The following GHRH variants were observed in gnomAD, a reference collection of about 807,000 sequenced individuals.
The protein encoded by GHRH is somatoliberin.
A neutral mutation model predicts 15.6 loss-of-function variants in GHRH; 7 were observed. The observed-to-expected ratio is 0.45, with a 90% confidence interval of 0.26 to 0.84. The LOEUF is 0.84. Among genes scored for constraint, GHRH ranks in the 40% least tolerant of loss-of-function variants. GHRH has a pLI of 0.18. For missense variants in GHRH, 117 were observed against 138.0 expected (o/e 0.85, Z 0.76); for synonymous variants, 54 against 50.4 (o/e 1.07, Z -0.30).
chr20:37,252,164 G>C (rs956831859), intron 4 of GHRH, among the ~76,000 whole-genome samples: 1 of 152,226 alleles, frequency 6.6e-6, no homozygotes, highest in Non-Finnish European at 1.5e-5. Flanking sequence ...CCTAGAGATG[G>C]TAAGAGCTAA....
intron 4 of GHRH, 72 bp from the exon 5 acceptor site, chr20:37,251,303 A>G: frequency 7.7e-7 from 1 of 1,303,064 alleles, no homozygotes; most frequent in Non-Finnish European, 1.1e-6. Flanking sequence ...GCATGGAACC[A>G]GGGTGACGGG....
rs1047307340 is a variant in GHRH, at chr20:37,258,386, C to T, written c.-19-1478G>A. 5.3e-5 allele frequency among the ~76,000 whole-genome samples: 8 copies of T among 152,204 alleles called. No individual in the cohort carries two copies. The highest frequency in any genetic ancestry group is 1.7e-4 in the African/African-American group (7 of 41,450). On this transcript the variant is annotated intron_variant, in intron 1 of 4. Coordinates refer to ENST00000373614, the MANE Select transcript of GHRH (RefSeq NM_021081.6). The surrounding 1 kb of genome is among the most constrained non-coding windows in gnomAD (Gnocchi z 4.1). The stretch of plus-strand genomic sequence containing the variant: ...CCTTCTCTCCCACTCCTGGGTCCTG[C>T]TGAGGAGTTCTGGCAGGCAGGGCCA...
chr20:37,258,529 G>C lies in GHRH; in HGVS notation c.-19-1621C>G, dbSNP rs957380287. ...TTGGGCCCCCAGGCAGCACTCAGGG[G>C]GTCTGCTTACTGCAGCCTGAGACCC... On this transcript the variant is annotated intron_variant, in intron 1 of 4. Transcript: ENST00000373614. The surrounding 1 kb of genome is among the most constrained non-coding windows in gnomAD (Gnocchi z 4.1). Among the ~76,000 whole-genome samples the C allele has an allele frequency of 6.6e-6, 1 of 152,032 alleles. No individual in the cohort carries two copies. Among genetic ancestry groups the C allele is most frequent in the Non-Finnish European group, 1.5e-5 (1 of 68,002 alleles).
chr20:37,259,778 ATCC>A (rs1239487224), intron 1 of GHRH, among the ~76,000 whole-genome samples: 1 of 152,134 alleles, frequency 6.6e-6, no homozygotes, highest in Non-Finnish European at 1.5e-5. Flanking sequence ...ATTTTCCATG[ATCC>A]TCCATCAAAT....
At chr20:37,253,854 G>A (rs1035847419) in intron 4 of GHRH, among the ~76,000 whole-genome samples, 1 of 152,160 alleles carries the variant, frequency 6.6e-6, no homozygotes, top group Non-Finnish European at 1.5e-5. Flanking sequence ...AGCTTCAAGC[G>A]ATTCTCCTGC....
intron 2 of GHRH, 64 bp from the exon 3 acceptor site, chr20:37,256,562 T>A (rs550735569): frequency 2.0e-6 from 2 of 1,015,146 alleles, no homozygotes; most frequent in East Asian, 4.8e-5. Context: ...CAGTCGTGGC[T>A]GCACTCGCCA....
At position 37,256,509 on chromosome 20, in the gene GHRH, G is replaced by A; in HGVS notation, c.84-11C>T. The stretch of plus-strand genomic sequence containing the variant: ...GCATACCGCCGCATCCTGTGCGGAA[G>A]GAGTCAGGGGTCAGAGGGCGGGGTG... On this transcript the variant is annotated splice_polypyrimidine_tract_variant and intron_variant, in intron 2 of 4. Transcript: ENST00000373614. 1 of 1,584,536 alleles carries A rather than the reference G, an allele frequency of 6.3e-7. No homozygotes were observed. Among genetic ancestry groups the A allele is most frequent in the Non-Finnish European group, 8.7e-7 (1 of 1,155,738 alleles).
intron 4 of GHRH, among the ~76,000 whole-genome samples, chr20:37,252,282 C>G (rs1233697223): frequency 1.3e-5 from 2 of 152,174 alleles, no homozygotes; most frequent in African/African-American, 4.8e-5. Context: ...TGGTTGTCGC[C>G]TCTCCTGTCA....
intron 3 of GHRH, among the ~76,000 whole-genome samples, chr20:37,255,920 G>T (rs1159879894): frequency 6.6e-6 from 1 of 152,046 alleles, no homozygotes; most frequent in Non-Finnish European, 1.5e-5. Flanking sequence ...TAGCTACTTG[G>T]TAGGCTAAGA....
chr20:37,253,516 G>T (rs1159938553), intron 4 of GHRH, among the ~76,000 whole-genome samples: 1 of 152,192 alleles, frequency 6.6e-6, no homozygotes, highest in East Asian at 1.9e-4. Flanking sequence ...CTGGCCTCTG[G>T]CTCCGCACTG....
chr20:37,252,042 C>T (rs2068624143), intron 4 of GHRH, among the ~76,000 whole-genome samples: 1 of 152,230 alleles, frequency 6.6e-6, no homozygotes, highest in African/African-American at 2.4e-5. Context: ...ATCCACCCTA[C>T]TGGGGCCTGA....
intron 3 of GHRH, among the ~76,000 whole-genome samples, chr20:37,254,586 C>T (rs754934930): frequency 1.3e-4 from 20 of 152,164 alleles, no homozygotes; most frequent in Non-Finnish European, 2.9e-5. Flanking sequence ...CTAGCAGACA[C>T]CATGTTAACC....
chr20:37,253,188 A>G (rs2068632260), intron 4 of GHRH, among the ~76,000 whole-genome samples: 1 of 152,244 alleles, frequency 6.6e-6, no homozygotes, highest in Admixed American at 6.5e-5. Context: ...ACTTGGGGCC[A>G]GCTGCCGCCC....
chr20:37,254,050 C>G (rs1363675182), intron 4 of GHRH, among the ~76,000 whole-genome samples, 160 bp downstream of exon 4: 2 of 152,190 alleles, frequency 1.3e-5, no homozygotes, highest in Non-Finnish European at 2.9e-5. Context: ...TACCCAGCCA[C>G]TCTCCTAGTT....
rs1030583384 is a variant in GHRH at position 37,254,289 on chromosome 20, G to A, written c.229C>T (p.Arg77Cys). 3.7e-6 allele frequency: 6 copies of A among 1,613,968 alleles called. No individual in the cohort carries two copies. The highest frequency in any genetic ancestry group is 1.3e-5 in the African/African-American group (1 of 75,042). Reference protein sequence around the residue: ...QERGARARLGRQVDSMWAEQK... With the variant: ...QERGARARLGCQVDSMWAEQK... Reference sequence around the variant, plus strand: ...TCTGCCCACATGCTGTCTACCTGACGACCAAGCCGTGCCCTTGCTCCTCGC... The same window carrying A: ...TCTGCCCACATGCTGTCTACCTGACAACCAAGCCGTGCCCTTGCTCCTCGC... The change falls in exon 4 of 5, where the codon CGT becomes TGT. Residue 77 changes from arginine to cysteine, a missense_variant. By Grantham distance (180) the Arg-to-Cys change is radical. Coordinates refer to ENST00000373614, the MANE Select transcript of GHRH (RefSeq NM_021081.6).
At chr20:37,256,970 G>T in intron 1 of GHRH, 62 bp from the exon 2 acceptor site, 2 of 1,024,198 alleles carry the variant, frequency 2.0e-6, no homozygotes, top group South Asian at 2.7e-5. Context: ...GCCTTCACTG[G>T]CCCAGCCCTG....
chr20:37,254,443 T>C (rs1341973014), intron 3 of GHRH, 114 bp from the exon 4 acceptor site: 1 of 1,059,908 alleles, frequency 9.4e-7, no homozygotes, highest in African/African-American at 1.6e-5. Flanking sequence ...CCAACTGAAT[T>C]AGATTCAGCC....
chr20:37,254,131 G>A lies in GHRH; in HGVS notation c.308+79C>T, dbSNP rs915746912. On this transcript the variant is annotated intron_variant, in intron 4 of 4. Transcript: ENST00000373614. ...AGCCCCATACCTTCAGAGAGGAGTG[G>A]ATTTTTTCCTTTTCCTGGCAAACCA... 9 of 1,498,068 alleles carry A rather than the reference G, an allele frequency of 6.0e-6. No homozygotes were observed. In the Admixed American group the frequency reaches 1.2e-4, roughly 20 times the overall value. 92.8% of individuals were successfully genotyped at this position (1,498,068 alleles called of 1,614,324 possible).
Position 37,258,261 on chromosome 20 carries a change from A to G in GHRH, c.-19-1353T>C, listed in dbSNP as rs2068668250. 6.6e-6 allele frequency among the ~76,000 whole-genome samples: 1 copy of G among 152,168 alleles called. No individual in the cohort carries two copies. Among genetic ancestry groups the G allele is most frequent in the African/African-American group, 2.4e-5 (1 of 41,450 alleles). On this transcript the variant is annotated intron_variant, in intron 1 of 4. Transcript: ENST00000373614. The surrounding 1 kb of genome is among the most constrained non-coding windows in gnomAD (Gnocchi z 4.1). ...CCCATGGGTTTCTCCCTCTCTCAGC[A>G]GGATGTCTACTCCATGGGGGTGTAG...
Sources: gnomAD v4.1 joint callset for allele counts (sites outside exome capture counted in the v4.1 genomes callset) on GRCh38, gnomAD v4.1.1 for gene constraint, Gnocchi (gnomAD v3.1) non-coding constraint, MANE v1.5 for transcripts, NCBI Gene and HGNC (gene_info 2026-07-23, HGNC 2026-07-21) for gene names.